The following ADAM12 variants were observed in gnomAD, a reference collection of about 807,000 sequenced individuals.
ADAM12 encodes the protein ADAM metallopeptidase domain 12.
Under a neutral mutation model 106.4 loss-of-function variants are expected in ADAM12, and 70 were observed. The observed-to-expected ratio is 0.66, with a 90% CI of 0.54 to 0.80. ADAM12 has a LOEUF of 0.80. ADAM12 is among the 30% of genes least tolerant of loss of function. The pLI is 0.00. For missense variants in ADAM12, 1,010 were observed against 1,171.9 expected, an observed-to-expected ratio of 0.86 and a Z score of 2.02; for synonymous variants, 420 against 433.5, an observed-to-expected ratio of 0.97 and a Z score of 0.39.
chr10:126,337,542 C>T (rs759892889), intron 1 of ADAM12, among the ~76,000 whole-genome samples: 52 of 152,222 alleles, frequency 3.4e-4, no homozygotes, highest in Non-Finnish European at 5.6e-4. Context: ...TGCTTTGTTC[C>T]AGCTGTGCTG....
chr10:126,153,908 TC>T (rs1353278323), intron 4 of ADAM12, among the ~76,000 whole-genome samples: 1 of 152,214 alleles, frequency 6.6e-6, no homozygotes, highest in Non-Finnish European at 1.5e-5. Context: ...ATTCCCAACA[TC>T]CACACATGAG....
intron 3 of ADAM12, among the ~76,000 whole-genome samples, chr10:126,211,580 T>G (rs1957901871): frequency 6.6e-6 from 1 of 152,174 alleles, no homozygotes; most frequent in South Asian, 2.1e-4. Context: ...CTCTGCCTTC[T>G]GGATCATGTG....
Position 126,020,709 on chromosome 10 carries a change from G to A in ADAM12, c.2530-884C>T, listed in dbSNP as rs73372590. Among the ~76,000 whole-genome samples the A allele has an allele frequency of 5.0e-3, 758 of 152,172 alleles. 6 individuals are homozygous for A. Among genetic ancestry groups the A allele is most frequent in the African/African-American group, 0.017 (690 of 41,520 alleles). The stretch of plus-strand genomic sequence containing the variant: ...TGTTTAGTAGAAATAGAAGAAAAAC[G>A]GCGGGGCGTGGTAGCTCATGCCTGT... On this transcript the variant is annotated intron_variant, in intron 21 of 22. Transcript: ENST00000448723.
At chr10:126,349,935 T>C (rs1274045358) in intron 1 of ADAM12, among the ~76,000 whole-genome samples, 4 of 152,200 alleles carry the variant, frequency 2.6e-5, no homozygotes, top group Non-Finnish European at 5.9e-5. Flanking sequence ...GATTTCTAGA[T>C]GGAAAATGCA....
chr10:126,142,972 GTGCATGTGTATATA>G (rs1374591343), intron 4 of ADAM12, among the ~76,000 whole-genome samples: 1 of 151,766 alleles, frequency 6.6e-6, no homozygotes, highest in Non-Finnish European at 1.5e-5. Flanking sequence ...GTATATCAGT[GTGCATGTGTATATA>G]TGCATGTGTG....
At chr10:126,118,249 A>C in intron 5 of ADAM12, 25 bp from the exon 6 acceptor site, 1 of 1,569,892 alleles carries the variant, frequency 6.4e-7, no homozygotes, top group Non-Finnish European at 8.7e-7. Context: ...ACAAGAAAAA[A>C]TATATAATTT....
At chr10:126,249,236 A>G (rs1431717069) in intron 3 of ADAM12, among the ~76,000 whole-genome samples, 1 of 152,112 alleles carries the variant, frequency 6.6e-6, no homozygotes, top group East Asian at 1.9e-4. Flanking sequence ...TCCCCTACTA[A>G]AATGTAGCCA....
chr10:126,282,117 G>A (rs1305235894), intron 2 of ADAM12, among the ~76,000 whole-genome samples: 2 of 152,144 alleles, frequency 1.3e-5, no homozygotes, highest in Non-Finnish European at 2.9e-5. Context: ...TGGCAGGTTT[G>A]GTTTCTTCTG....
intron 22 of ADAM12, among the ~76,000 whole-genome samples, chr10:126,018,203 C>G (rs1953695646): frequency 6.6e-6 from 1 of 152,198 alleles, no homozygotes; most frequent in Non-Finnish European, 1.5e-5. Flanking sequence ...ATTACTGAAC[C>G]CAGGGCCTGG....
intron 4 of ADAM12, among the ~76,000 whole-genome samples, chr10:126,145,095 ATC>A (rs1256244714): frequency 2.0e-5 from 3 of 152,202 alleles, no homozygotes; most frequent in Non-Finnish European, 4.4e-5. Flanking sequence ...CTCCCAAAGC[ATC>A]TCTGTTATGG....
At chr10:126,082,465 T>C (rs1241167657) in intron 11 of ADAM12, among the ~76,000 whole-genome samples, 3 of 141,690 alleles carry the variant, frequency 2.1e-5, no homozygotes, top group African/African-American at 7.9e-5. Flanking sequence ...GCCTCCCGGG[T>C]TCAAGCGATT....
chr10:126,357,197 G>T lies in ADAM12; in HGVS notation c.89-26688C>A, dbSNP rs117423611. 6.8e-3 allele frequency among the ~76,000 whole-genome samples: 1,035 copies of T among 152,198 alleles called. 2 individuals are homozygous for T. Among genetic ancestry groups the T allele is most frequent in the Middle Eastern group, 0.014 (4 of 294 alleles). ...TGTCAAAACTTAAAGACAAAAAATT[G>T]TGAGAGCAGCAAAAGATAAAAAATA... On this transcript the variant is annotated intron_variant, in intron 1 of 22. Transcript: ENST00000448723.
intron 3 of ADAM12, among the ~76,000 whole-genome samples, chr10:126,256,520 G>A (rs998400742): frequency 2.7e-5 from 4 of 150,752 alleles, no homozygotes; most frequent in African/African-American, 7.4e-5. Flanking sequence ...GTCGCTGTGT[G>A]TCAGACTCTG....
chr10:126,373,032 A>ATGGG (rs1371759668), intron 1 of ADAM12, among the ~76,000 whole-genome samples: 1 of 152,216 alleles, frequency 6.6e-6, no homozygotes, highest in South Asian at 2.1e-4. Flanking sequence ...TTAGTGGCAA[A>ATGGG]TCAGGCGTCT....
intron 1 of ADAM12, among the ~76,000 whole-genome samples, chr10:126,374,949 C>T (rs566268219): frequency 6.6e-6 from 1 of 152,144 alleles, no homozygotes; most frequent in East Asian, 1.9e-4. Flanking sequence ...CACCAAAGAA[C>T]TACCTTAAAA....
chr10:126,307,457 G>A (rs560329583), intron 2 of ADAM12, among the ~76,000 whole-genome samples: 11 of 152,096 alleles, frequency 7.2e-5, no homozygotes, highest in Non-Finnish European at 1.5e-4. Flanking sequence ...GGGTTCAAGC[G>A]ATTCTCATGC....
At chr10:126,357,783 C>G (rs776693686) in intron 1 of ADAM12, among the ~76,000 whole-genome samples, 1 of 152,116 alleles carries the variant, frequency 6.6e-6, no homozygotes, top group Non-Finnish European at 1.5e-5. Flanking sequence ...GACTAACTGC[C>G]CCCATGATTC....
chr10:126,184,368 G>C (rs1957363998), intron 3 of ADAM12, among the ~76,000 whole-genome samples: 1 of 152,208 alleles, frequency 6.6e-6, no homozygotes, highest in South Asian at 2.1e-4. Context: ...ATGCTCAGCA[G>C]AAAGCCCCCA....
chr10:126,296,408 T>G (rs1457862261), intron 2 of ADAM12, among the ~76,000 whole-genome samples: 1 of 152,206 alleles, frequency 6.6e-6, no homozygotes, highest in Non-Finnish European at 1.5e-5. Flanking sequence ...GCACTAGGAT[T>G]ACAGGTGTGA....
Sources: gnomAD v4.1 joint callset for allele counts (sites outside exome capture counted in the v4.1 genomes callset) on GRCh38, gnomAD v4.1.1 for gene constraint, MANE v1.5 for transcripts, NCBI Gene and HGNC (gene_info 2026-07-23, HGNC 2026-07-21) for gene names.